The following PCDHA10 variants were observed in gnomAD, a reference collection of about 807,000 sequenced individuals.
PCDHA10 encodes the protein protocadherin alpha-10.
Under a neutral mutation model 61.2 loss-of-function variants are expected in PCDHA10, and 45 were observed. The observed-to-expected ratio is 0.74, with a 90% CI of 0.58 to 0.94. The LOEUF (loss-of-function observed/expected upper bound fraction) is 0.94. Ranked by LOEUF, PCDHA10 falls within the 40% of genes least tolerant of loss-of-function variation. PCDHA10 has a pLI of 0.00. For synonymous variants in PCDHA10, 602 were observed against 548.8 expected (o/e 1.10, Z -1.35); for missense variants, 1,278 against 1,236.2 (o/e 1.03, Z -0.51).
intron 1 of PCDHA10, among the ~76,000 whole-genome samples, chr5:140,900,724 C>T (rs552317505): frequency 2.0e-5 from 3 of 152,296 alleles, no homozygotes; most frequent in Admixed American, 1.3e-4. Flanking sequence ...GAAATCCTAC[C>T]TAGCAGTGGG....
At chr5:140,893,434 C>G (rs1554185617) in intron 1 of PCDHA10, among the ~76,000 whole-genome samples, 1 of 152,042 alleles carries the variant, frequency 6.6e-6, no homozygotes, top group African/African-American at 2.4e-5. Context: ...AGGAAGATCG[C>G]TTGAAGCCAG....
intron 1 of PCDHA10, among the ~76,000 whole-genome samples, chr5:140,952,940 G>A (rs2094821781): frequency 6.6e-6 from 1 of 152,066 alleles, no homozygotes. Context: ...AGGAGCAAGA[G>A]AGAGAGAAGG....
At chr5:140,905,333 T>A (rs180881008) in intron 1 of PCDHA10, among the ~76,000 whole-genome samples, 2 of 152,324 alleles carry the variant, frequency 1.3e-5, no homozygotes, top group Admixed American at 1.3e-4. Flanking sequence ...TTGTTGAAGA[T>A]CAGTTGGCTG....
intron 1 of PCDHA10, chr5:140,883,572 T>C: frequency 6.2e-7 from 1 of 1,614,098 alleles, no homozygotes; most frequent in Non-Finnish European, 8.5e-7. Flanking sequence ...TCGCCTTCGC[T>C]GTGGGCCACG....
chr5:141,009,724 T>C lies in PCDHA10; in HGVS notation c.2634T>C (p.Gly878=). ...KYGPGNPKQS[G]PGELPDKFII... The stretch of plus-strand genomic sequence containing the variant: ...GACCAGGCAACCCCAAACAATCCGG[T>C]CCCGGTGAGTTGCCCGACAAATTCA... Residue 878 remains glycine, a synonymous_variant, in exon 4 of 4, where the codon GGT becomes GGC. Transcript: ENST00000307360. 6.2e-7 allele frequency: 1 copy of C among 1,614,116 alleles called. No individual in the cohort carries two copies. Among genetic ancestry groups the C allele is most frequent in the South Asian group, 1.1e-5 (1 of 91,062 alleles).
chr5:140,921,732 A>G lies in PCDHA10; in HGVS notation c.2389-57217A>G, dbSNP rs1345229893. 2.0e-5 allele frequency among the ~76,000 whole-genome samples: 3 copies of G among 152,206 alleles called. No individual in the cohort carries two copies. In the East Asian group the frequency reaches 5.8e-4, roughly 29 times the overall value. ...AAACACACGAATTACTCCCATAAAA[A>G]TTATAAGCATAACAGGACACTTCTT... is the stretch of plus-strand genomic sequence containing the variant. On this transcript the variant is annotated intron_variant, in intron 1 of 3. Coordinates refer to ENST00000307360, the MANE Select transcript of PCDHA10 (RefSeq NM_018901.4).
intron 1 of PCDHA10, among the ~76,000 whole-genome samples, chr5:140,925,641 T>TAATA (rs2082614636): frequency 7.0e-6 from 1 of 143,358 alleles, no homozygotes; most frequent in Non-Finnish European, 1.5e-5. Flanking sequence ...GAACTTAAAG[T>TAATA]ATAATAATAA....
At chr5:140,967,627 C>G (rs1218869340) in intron 1 of PCDHA10, 16 of 1,614,040 alleles carry the variant, frequency 9.9e-6, no homozygotes, top group Non-Finnish European at 1.3e-5. Context: ...CGGATGAGGG[C>G]TCCAATGGTG....
At chr5:140,932,312 T>C (rs2088188856) in intron 1 of PCDHA10, among the ~76,000 whole-genome samples, 1 of 151,922 alleles carries the variant, frequency 6.6e-6, no homozygotes, top group Admixed American at 6.6e-5. Context: ...GGTATAAATA[T>C]ATTAATGTAG....
At chr5:140,859,474 T>A (rs1282422046) in intron 1 of PCDHA10, 1 of 210,268 alleles carries the variant, frequency 4.8e-6, no homozygotes, top group East Asian at 1.7e-4. Flanking sequence ...CTATCAATTG[T>A]GTTTTCCTGA....
At chr5:140,873,725 A>G (rs1235492447) in intron 1 of PCDHA10, among the ~76,000 whole-genome samples, 7 of 152,112 alleles carry the variant, frequency 4.6e-5, no homozygotes, top group Non-Finnish European at 7.4e-5. Context: ...CAGTGGCGCA[A>G]TCTCAGCTCA....
At chr5:140,909,977 G>A (rs1554194042) in intron 1 of PCDHA10, among the ~76,000 whole-genome samples, 2 of 152,214 alleles carry the variant, frequency 1.3e-5, no homozygotes, top group African/African-American at 4.8e-5. Flanking sequence ...AAGGATGGGA[G>A]AAAGACTAAC....
In PCDHA10 at chr5:140,857,099, G is replaced by T; in HGVS notation, c.1051G>T (p.Val351Phe). ...DENDNSPEVI[V>F]TSLSLPVKED... ...AAATGATAATTCACCTGAGGTGATT[G>T]TCACTTCTCTGTCTCTCCCAGTGAA... The change falls in exon 1 of 4, where the codon GTC (valine) becomes TTC (phenylalanine). Residue 351 changes from valine (V) to phenylalanine (F), a missense_variant. Val to Phe is a conservative substitution (Grantham distance 50, BLOSUM62 -1). Coordinates refer to ENST00000307360, the MANE Select transcript of PCDHA10 (RefSeq NM_018901.4). The T allele has an allele frequency of 6.3e-7, 1 of 1,597,354 alleles. No homozygotes were observed. Among genetic ancestry groups the T allele is most frequent in the Non-Finnish European group, 8.6e-7 (1 of 1,166,906 alleles).
At chr5:141,005,967 A>ACAATTC (rs1554260442) in intron 3 of PCDHA10, among the ~76,000 whole-genome samples, 1 of 152,062 alleles carries the variant, frequency 6.6e-6, no homozygotes, top group Non-Finnish European at 1.5e-5. Flanking sequence ...CAATAAAAAA[A>ACAATTC]CAATTCCAAA....
chr5:140,978,865 A>G, intron 1 of PCDHA10, 84 bp from the exon 2 acceptor site: 1 of 1,602,026 alleles, frequency 6.2e-7, no homozygotes, highest in South Asian at 1.1e-5. Flanking sequence ...GAAATATTTA[A>G]GGGAGTAACT....
intron 3 of PCDHA10, 155 bp downstream of exon 3, chr5:140,982,718 T>A: frequency 1.1e-6 from 1 of 924,050 alleles, no homozygotes; most frequent in Non-Finnish European, 1.3e-6. Flanking sequence ...CATATATGAT[T>A]ATTTTGATTT....
intron 1 of PCDHA10, among the ~76,000 whole-genome samples, chr5:140,922,088 T>C (rs1361534405): frequency 6.6e-6 from 1 of 152,184 alleles, no homozygotes; most frequent in Non-Finnish European, 1.5e-5. Context: ...AAGTGGTATT[T>C]CTACCAACTA....
chr5:141,002,841 G>T (rs2098098318), intron 3 of PCDHA10, among the ~76,000 whole-genome samples: 1 of 152,196 alleles, frequency 6.6e-6, no homozygotes, highest in African/African-American at 2.4e-5. Flanking sequence ...CCAGGACTAT[G>T]CACTAGTGAG....
chr5:140,969,783 A>G (rs1293806015), intron 1 of PCDHA10, among the ~76,000 whole-genome samples: 1 of 152,228 alleles, frequency 6.6e-6, no homozygotes, highest in Non-Finnish European at 1.5e-5. Context: ...GGGCTATCAT[A>G]GTCACCACTA....
Sources: gnomAD v4.1 joint callset for allele counts (sites outside exome capture counted in the v4.1 genomes callset) on GRCh38, gnomAD v4.1.1 for gene constraint, MANE v1.5 for transcripts, NCBI Gene and HGNC (gene_info 2026-07-23, HGNC 2026-07-21) for gene names.